MORF4L1: variants seen among roughly 807,000 people sequenced by gnomAD.
MORF4L1 encodes mortality factor 4-like protein 1.
MORF4L1 carries 4 observed loss-of-function variants against 52.9 expected under a neutral mutation model. The ratio of observed to expected loss-of-function variants is 0.08; its 90% CI spans 0.04 to 0.17. MORF4L1 has a LOEUF of 0.17. Among genes scored for constraint, MORF4L1 ranks in the 10% least tolerant of loss-of-function variants. The probability of loss-of-function intolerance (pLI) is 1.00; values close to 1 mark genes in which losing one functional copy is unlikely to be tolerated. For missense variants in MORF4L1, 214 were observed against 390.4 expected (o/e 0.55, Z 3.81); for synonymous variants, 123 against 134.8 (o/e 0.91, Z 0.61).
At chr15:78,875,871 C>A (rs902101560) in intron 1 of MORF4L1, among the ~76,000 whole-genome samples, 1 of 152,096 alleles carries the variant, frequency 6.6e-6, no homozygotes, top group Admixed American at 6.6e-5. Context: ...ACAGAATCGT[C>A]TTGAAACACT....
At chr15:78,896,911 T>G in intron 11 of MORF4L1, 72 bp from the exon 12 acceptor site, 1 of 1,152,838 alleles carries the variant, frequency 8.7e-7, no homozygotes. Context: ...CTTATGTATA[T>G]AATATATAGG....
At chr15:78,876,473 A>G in intron 1 of MORF4L1, 1 of 454,442 alleles carries the variant, frequency 2.2e-6, no homozygotes, top group Admixed American at 2.4e-5. Context: ...CTCCTCAGCT[A>G]GCTGTATATT....
chr15:78,896,308 C>CTTTTTTTTTTTTTTTTTTTTTTTTT (rs71148578), intron 11 of MORF4L1, among the ~76,000 whole-genome samples: 2 of 81,448 alleles, frequency 2.5e-5, no homozygotes, highest in Non-Finnish European at 4.5e-5. Flanking sequence ...CTTTTCTTTT[C>CTTTTTTTTTTTTTTTTTTTTTTTTT]TTTTTTTTTT....
rs1229270975 is a variant in MORF4L1, at chr15:78,878,195, C to G, written c.41-18C>G. On this transcript the variant is annotated intron_variant, in intron 1 of 11. Coordinates refer to ENST00000426013, the MANE Select transcript of MORF4L1 (RefSeq NM_006791.4). ...TATGAGAAGAAATTACAATTCAGTA[C>G]TTTTTCTCCCTTTACAGGTGAGCGA... The G allele has an allele frequency of 6.2e-7, 1 of 1,605,780 alleles. No homozygotes were observed. The highest frequency in any genetic ancestry group is 8.5e-7 in the Non-Finnish European group (1 of 1,176,810).
intron 1 of MORF4L1, among the ~76,000 whole-genome samples, chr15:78,874,637 A>G (rs1596236350): frequency 1.6e-5 from 2 of 124,198 alleles, no homozygotes; most frequent in South Asian, 4.8e-4. Flanking sequence ...CATGTTGCCC[A>G]GGCTGGTCTC....
intron 11 of MORF4L1, 62 bp downstream of exon 11, chr15:78,894,966 G>A: frequency 3.1e-6 from 4 of 1,307,840 alleles, no homozygotes; most frequent in Non-Finnish European, 4.4e-6. Context: ...GGGAGGGATT[G>A]GCAGTATAGA....
rs1371719575 is a variant in MORF4L1 at position 78,895,062 on chromosome 15, CAG to C, written c.887+160_887+161del. On this transcript the variant is annotated intron_variant, in intron 11 of 11. Transcript: ENST00000426013. The stretch of plus-strand genomic sequence containing the variant: ...AGTAAGTGCAAACACATGGGAGTCT[CAG>C]AAATGATAGATGGTATATAGATGAT... Among the ~76,000 whole-genome samples, 4 of 152,216 alleles carry C rather than the reference CAG, an allele frequency of 2.6e-5. No individual in the cohort carries two copies. The East Asian group carries it at 7.7e-4, about 29-fold the overall frequency.
intron 2 of MORF4L1, 28 bp from the exon 3 acceptor site, chr15:78,880,484 G>A (rs777231020): frequency 2.6e-6 from 4 of 1,541,142 alleles, no homozygotes; most frequent in Admixed American, 1.8e-5. Context: ...ATTTCTAAGT[G>A]AATTATTATT....
chr15:78,880,591 A>T lies in MORF4L1; in HGVS notation c.155+12A>T. 3 of 1,556,372 alleles carry T rather than the reference A, an allele frequency of 1.9e-6. No individual in the cohort carries two copies. Among genetic ancestry groups the T allele is most frequent in the Non-Finnish European group, 2.6e-6 (3 of 1,139,956 alleles). On this transcript the variant is annotated intron_variant, in intron 3 of 11. Transcript: ENST00000426013. The stretch of plus-strand genomic sequence containing the variant: ...GGTTGGAATAAAAAGTGAGTATTAG[A>T]TCTTACAATTCTATTTGTAATTAAC...
chr15:78,877,514 T>C (rs2056517988), intron 1 of MORF4L1, among the ~76,000 whole-genome samples: 1 of 152,218 alleles, frequency 6.6e-6, no homozygotes, highest in South Asian at 2.1e-4. Context: ...GAAAATAATG[T>C]GTGCAAAATC....
chr15:78,890,506 G>A (rs2056781268), intron 5 of MORF4L1: 1 of 151,126 alleles, frequency 6.6e-6, no homozygotes. Context: ...TTGTCTTTGA[G>A]ACAGGGTCTC....
At chr15:78,885,961 TAA>T (rs1218557681) in intron 3 of MORF4L1, among the ~76,000 whole-genome samples, 178 bp from the exon 4 acceptor site, 1 of 152,222 alleles carries the variant, frequency 6.6e-6, no homozygotes, top group Non-Finnish European at 1.5e-5. Context: ...TTTTTGAAAA[TAA>T]AAAGTTTTCC....
intron 11 of MORF4L1, among the ~76,000 whole-genome samples, chr15:78,896,212 C>G (rs10444811): frequency 0.13 from 19,563 of 151,530 alleles, 1,340 homozygotes; most frequent in East Asian, 0.26. Context: ...CTCCTGGCCT[C>G]AAATTTTTGT....
chr15:78,894,689 T>G, intron 10 of MORF4L1, 131 bp from the exon 11 acceptor site: 2 of 722,504 alleles, frequency 2.8e-6, no homozygotes, highest in Non-Finnish European at 4.8e-6. Flanking sequence ...ATTACAGGCG[T>G]GAGCCACTAT....
chr15:78,887,077 T>G (rs1316593271), intron 4 of MORF4L1, among the ~76,000 whole-genome samples, 192 bp from the exon 5 acceptor site: 3 of 152,240 alleles, frequency 2.0e-5, no homozygotes, highest in African/African-American at 7.2e-5. Flanking sequence ...CACTTTTTAT[T>G]ACATTGATTT....
At chr15:78,875,011 T>G (rs1242441010) in intron 1 of MORF4L1, among the ~76,000 whole-genome samples, 1 of 152,190 alleles carries the variant, frequency 6.6e-6, no homozygotes, top group Non-Finnish European at 1.5e-5. Flanking sequence ...GAAGATGTTT[T>G]CAGTTATCGC....
chr15:78,879,230 G>A (rs965530845), intron 2 of MORF4L1, among the ~76,000 whole-genome samples: 2 of 148,022 alleles, frequency 1.4e-5, no homozygotes, highest in African/African-American at 5.0e-5. Flanking sequence ...TCCCCGCCCC[G>A]CCCCGCCCCC....
intron 4 of MORF4L1, 165 bp downstream of exon 4, chr15:78,886,392 C>T (rs1296598973): frequency 1.4e-5 from 9 of 649,202 alleles, no homozygotes; most frequent in East Asian, 5.5e-5. Context: ...CAAGCCATAT[C>T]TAGGTAAAGG....
intron 5 of MORF4L1, among the ~76,000 whole-genome samples, chr15:78,890,071 T>G (rs1462361911): frequency 2.0e-5 from 3 of 151,922 alleles, no homozygotes; most frequent in African/African-American, 7.3e-5. Flanking sequence ...AATACAAAAA[T>G]GAGCTGGGAG....
Sources: gnomAD v4.1 joint callset for allele counts (sites outside exome capture counted in the v4.1 genomes callset) on GRCh38, gnomAD v4.1.1 for gene constraint, MANE v1.5 for transcripts, NCBI Gene and HGNC (gene_info 2026-07-23, HGNC 2026-07-21) for gene names.